Variants in TBK1 observed in about 807,000 individuals in gnomAD.
TBK1 encodes the protein TANK binding kinase 1, also known as serine/threonine-protein kinase TBK1.
TBK1 carries 37 observed loss-of-function variants against 99.9 expected under a neutral mutation model. The ratio of observed to expected loss-of-function variants is 0.37; its 90% CI spans 0.28 to 0.49. TBK1 has a LOEUF of 0.49. Ranked by LOEUF, TBK1 falls within the 20% of genes least tolerant of loss-of-function variation. The pLI, the probability that TBK1 is intolerant of heterozygous loss-of-function variation, is 0.98. For synonymous variants in TBK1, 258 were observed against 279.8 expected (o/e 0.92, Z 0.78); for missense variants, 644 against 872.5 (o/e 0.74, Z 3.30).
intron 5 of TBK1, among the ~76,000 whole-genome samples, chr12:64,470,950 C>G (rs2040655955): frequency 6.6e-6 from 1 of 152,090 alleles, no homozygotes; most frequent in African/African-American, 2.4e-5. Context: ...GAAATTTAAC[C>G]CCATTCTATT....
chr12:64,478,354 T>C (rs951104329), intron 6 of TBK1, among the ~76,000 whole-genome samples: 1 of 152,182 alleles, frequency 6.6e-6, no homozygotes, highest in Admixed American at 6.5e-5. Flanking sequence ...TTCACCACGT[T>C]GCCCAGGCTG....
intron 3 of TBK1, among the ~76,000 whole-genome samples, chr12:64,461,990 C>T (rs1000781030): frequency 1.3e-5 from 2 of 152,180 alleles, no homozygotes; most frequent in African/African-American, 4.8e-5. Context: ...GAAGTATTGC[C>T]AGTCAGGGAA....
intron 7 of TBK1, among the ~76,000 whole-genome samples, chr12:64,480,914 T>C (rs1167836561): frequency 6.6e-6 from 1 of 152,146 alleles, no homozygotes; most frequent in African/African-American, 2.4e-5. Flanking sequence ...TAAATAAATA[T>C]ATAAAACAAG....
At chr12:64,458,490 G>GT (rs1843514485) in intron 2 of TBK1, among the ~76,000 whole-genome samples, 2 of 145,432 alleles carry the variant, frequency 1.4e-5, no homozygotes, top group African/African-American at 5.1e-5. Flanking sequence ...AGGATGTGTT[G>GT]ATCTGCACAT....
chr12:64,462,727 G>T (rs1269252404), intron 3 of TBK1, among the ~76,000 whole-genome samples: 31 of 152,090 alleles, frequency 2.0e-4, no homozygotes, highest in Admixed American at 2.0e-3. Context: ...AGTTGGAGAT[G>T]AATAGTAGAT....
chr12:64,465,500 CA>C (rs10714405), intron 4 of TBK1, among the ~76,000 whole-genome samples: 60,491 of 139,702 alleles, frequency 0.43, 12,388 homozygotes, highest in East Asian at 0.59. Flanking sequence ...TTCATAATAG[CA>C]AAAAAAAAAA....
rs767071622 is a variant in TBK1, at chr12:64,460,324, G to A, written c.223G>A (p.Glu75Lys). Residue 75 changes from glutamate (E) to lysine (K), a missense_variant, in exon 3 of 21, where the codon GAG (glutamate) becomes AAG (lysine). Physicochemically the swap from Glu to Lys is moderately conservative, Grantham distance 56 (BLOSUM62 1). This residue lies in a region of TBK1 where 148 missense variants were observed against 202.1 expected (regional missense o/e 0.73). Transcript: ENST00000331710. ...KNIVKLFAIE[E>K]ETTTRHKVLI... ...TATTGTCAAATTATTTGCTATTGAA[G>A]AGGAGGTAAGTAGTAAAACTTCAAT... is the stretch of plus-strand genomic sequence containing the variant. The A allele has an allele frequency of 1.9e-6, 3 of 1,557,970 alleles. No homozygotes were observed. In the African/African-American group the frequency reaches 4.1e-5, roughly 21 times the overall value.
At chr12:64,482,257 A>G (rs1055685785) in intron 8 of TBK1, among the ~76,000 whole-genome samples, 2 of 152,202 alleles carry the variant, frequency 1.3e-5, no homozygotes, top group African/African-American at 4.8e-5. Flanking sequence ...AGTTTTACAA[A>G]AGTACTTTCA....
intron 6 of TBK1, among the ~76,000 whole-genome samples, chr12:64,479,328 A>T (rs1194357639): frequency 6.6e-6 from 1 of 152,140 alleles, no homozygotes; most frequent in African/African-American, 2.4e-5. Context: ...ACATGAACAC[A>T]CCTTATTTTT....
chr12:64,497,360 C>A, intron 18 of TBK1, 101 bp downstream of exon 18: 1 of 856,712 alleles, frequency 1.2e-6, no homozygotes, highest in Non-Finnish European at 1.7e-6. Context: ...CATTCAGTTC[C>A]ACCCACCAAT....
At chr12:64,495,941 A>C (rs922405349) in intron 15 of TBK1, 166 bp downstream of exon 15, 11 of 582,672 alleles carry the variant, frequency 1.9e-5, no homozygotes, top group African/African-American at 1.8e-4. Context: ...AAAAAAAAAA[A>C]AACTATCCTT....
intron 20 of TBK1, among the ~76,000 whole-genome samples, chr12:64,500,753 CTTT>C (rs1009756107): frequency 5.2e-4 from 51 of 98,966 alleles, no homozygotes; most frequent in Non-Finnish European, 7.0e-4. Context: ...AACTCGGTAT[CTTT>C]TTTTTTTTTT....
intron 19 of TBK1, 97 bp downstream of exon 19, chr12:64,497,851 G>A: frequency 6.6e-6 from 9 of 1,373,268 alleles, no homozygotes; most frequent in Non-Finnish European, 8.1e-6. Flanking sequence ...TATGTTTGTT[G>A]TAATACAATG....
At chr12:64,473,449 GT>G (rs1409842897) in intron 5 of TBK1, among the ~76,000 whole-genome samples, 4 of 152,170 alleles carry the variant, frequency 2.6e-5, no homozygotes, top group African/African-American at 9.7e-5. Context: ...ATTAAAGCAT[GT>G]TTGTAAGCAG....
chr12:64,497,783 G>C, intron 19 of TBK1, 29 bp downstream of exon 19: 3 of 1,514,508 alleles, frequency 2.0e-6, no homozygotes, highest in Non-Finnish European at 2.7e-6. Context: ...GGAAACTGTA[G>C]TGTTTCCATT....
intron 8 of TBK1, 33 bp from the exon 9 acceptor site, chr12:64,484,270 G>T: frequency 6.8e-7 from 1 of 1,472,456 alleles, no homozygotes; most frequent in Non-Finnish European, 9.3e-7. Flanking sequence ...TTTATCCCCA[G>T]TTATAGTGTC....
intron 20 of TBK1, among the ~76,000 whole-genome samples, chr12:64,500,747 C>G (rs118156905): frequency 7.0e-6 from 1 of 143,180 alleles, no homozygotes. Flanking sequence ...ACTCCCAACT[C>G]GGTATCTTTT....
intron 11 of TBK1, 91 bp from the exon 12 acceptor site, chr12:64,488,396 G>A (rs2040838101): frequency 1.6e-6 from 1 of 623,882 alleles, no homozygotes; most frequent in Non-Finnish European, 2.7e-6. Flanking sequence ...GTTATAAAAT[G>A]TTTTTGAACT....
intron 13 of TBK1, among the ~76,000 whole-genome samples, chr12:64,491,442 G>A (rs529514741): frequency 5.3e-5 from 8 of 152,088 alleles, no homozygotes; most frequent in African/African-American, 1.4e-4. Flanking sequence ...GCAACATGAT[G>A]AAACCCCATC....
Sources: allele counts gnomAD v4.1 joint callset (sites outside exome capture counted in the v4.1 genomes callset), GRCh38; gene constraint gnomAD v4.1.1; regional missense constraint gnomAD v4.1.1; transcripts MANE v1.5; gene names NCBI Gene and HGNC (gene_info 2026-07-23, HGNC 2026-07-21).